Variants in CABCOCO1 observed in about 807,000 individuals in gnomAD.
The protein encoded by CABCOCO1 is ciliary-associated calcium-binding coiled-coil protein 1.
Under a neutral mutation model 35.7 loss-of-function variants are expected in CABCOCO1, and 28 were observed. The observed-to-expected ratio is 0.78, with a 90% CI of 0.58 to 1.07. The LOEUF (loss-of-function observed/expected upper bound fraction) is 1.07, where lower values mean the gene tolerates loss of function less well. Among genes scored for constraint, CABCOCO1 ranks in the 50% least tolerant of loss-of-function variants. CABCOCO1 has a pLI of 0.00. For missense variants in CABCOCO1, 326 were observed against 309.2 expected (o/e 1.05, Z -0.41); for synonymous variants, 95 against 100.1 (o/e 0.95, Z 0.30).
At chr10:61,717,649 C>A (rs2132037014) in intron 5 of CABCOCO1, among the ~76,000 whole-genome samples, 1 of 152,126 alleles carries the variant, frequency 6.6e-6, no homozygotes, top group South Asian at 2.1e-4. Context: ...ATTATGCGAT[C>A]TATTTGAAAA....
chr10:61,672,618 T>C lies in CABCOCO1; in HGVS notation c.61-14T>C, dbSNP rs1839394954. On this transcript the variant is annotated splice_polypyrimidine_tract_variant and intron_variant, in intron 1 of 7. Coordinates refer to ENST00000648843, the MANE Select transcript of CABCOCO1 (RefSeq NM_001366906.2). ...TACAATTAAAGTAACTCACTCCACA[T>C]TGTGTTTTGGTAGAGAGACACTGAA... is the stretch of plus-strand genomic sequence containing the variant. 1 of 724,728 alleles carries C rather than the reference T, an allele frequency of 1.4e-6. No individual in the cohort carries two copies. Among genetic ancestry groups the C allele is most frequent in the Non-Finnish European group, 1.7e-6 (1 of 592,372 alleles). The allele number at this position is 724,728 out of a possible 1,614,324, so 44.9% of individuals were successfully genotyped here. A position where few individuals can be genotyped will look rare whatever the true frequency, so the allele number is the denominator to read the frequency against.
chr10:61,698,948 C>T (rs576566326), intron 5 of CABCOCO1, among the ~76,000 whole-genome samples: 1 of 152,060 alleles, frequency 6.6e-6, no homozygotes, highest in South Asian at 2.1e-4. Context: ...CTTTTTTTCT[C>T]TTCAGTTTAC....
intron 2 of CABCOCO1, among the ~76,000 whole-genome samples, chr10:61,680,655 TGTTATACATGTATAAC>T (rs1839731370): frequency 1.3e-5 from 1 of 78,878 alleles, no homozygotes; most frequent in Admixed American, 1.9e-4. Context: ...ATATATATTA[TGTTATACATGTATAAC>T]ATATATGTTA....
intron 3 of CABCOCO1, among the ~76,000 whole-genome samples, chr10:61,684,740 C>T (rs1486977612): frequency 6.6e-6 from 1 of 152,156 alleles, no homozygotes; most frequent in East Asian, 1.9e-4. Flanking sequence ...TGTCCACACA[C>T]CCATCGCTTT....
chr10:61,672,734 G>C lies in CABCOCO1; in HGVS notation c.163G>C (p.Glu55Gln), dbSNP rs1839397651. The C allele has an allele frequency of 1.0e-6, 1 of 985,250 alleles. No individual in the cohort carries two copies. Among genetic ancestry groups the C allele is most frequent in the Non-Finnish European group, 1.2e-6 (1 of 829,890 alleles). The allele number at this position is 985,250 out of a possible 1,614,324, so 61.0% of individuals were successfully genotyped here. Reference sequence around the variant, plus strand: ...AATGGAGGACATCGATGGAGTTCAAGAGTAAGCACTTCACTATTACAATCA... The same window carrying C: ...AATGGAGGACATCGATGGAGTTCAACAGTAAGCACTTCACTATTACAATCA... ...LLMEDIDGVQ[E>Q]KLRIFLNFKN... Residue 55 changes from glutamate (E) to glutamine (Q), a missense_variant and splice_region_variant, in exon 2 of 8, where the codon GAA becomes CAA. Glu to Gln is a conservative substitution (Grantham distance 29). Coordinates refer to ENST00000648843, the MANE Select transcript of CABCOCO1 (RefSeq NM_001366906.2).
chr10:61,735,131 T>C (rs550500948), intron 5 of CABCOCO1, among the ~76,000 whole-genome samples: 31 of 152,060 alleles, frequency 2.0e-4, no homozygotes, highest in Non-Finnish European at 4.3e-4. Context: ...GAGAATAAAA[T>C]TGGGAGCCAG....
intron 4 of CABCOCO1, among the ~76,000 whole-genome samples, chr10:61,688,930 T>C (rs1027314821): frequency 2.0e-5 from 3 of 152,222 alleles, no homozygotes; most frequent in African/African-American, 7.2e-5. Flanking sequence ...GCCCTAGTCC[T>C]GGCCTTGCCC....
chr10:61,735,613 GA>G (rs551778157), intron 5 of CABCOCO1, among the ~76,000 whole-genome samples: 193 of 152,226 alleles, frequency 1.3e-3, no homozygotes, highest in Non-Finnish European at 2.3e-3. Flanking sequence ...GTTTATTTTA[GA>G]AATGTTTTTG....
intron 2 of CABCOCO1, among the ~76,000 whole-genome samples, chr10:61,680,398 T>A (rs28572394): frequency 0.12 from 15,991 of 133,052 alleles, 1,261 homozygotes; most frequent in East Asian, 0.23. Context: ...ATATATATTT[T>A]TATATATAAC....
chr10:61,730,438 G>T (rs991491366), intron 5 of CABCOCO1, among the ~76,000 whole-genome samples: 29 of 152,006 alleles, frequency 1.9e-4, no homozygotes, highest in African/African-American at 7.0e-4. Context: ...GAAAAAAATA[G>T]ACATATGAAG....
intron 1 of CABCOCO1, among the ~76,000 whole-genome samples, chr10:61,670,838 C>T (rs947113018): frequency 6.6e-6 from 1 of 152,206 alleles, no homozygotes; most frequent in African/African-American, 2.4e-5. Context: ...GCAGTCTCAC[C>T]CATTGTCACA....
In CABCOCO1 at chr10:61,766,073, T is replaced by A; in HGVS notation, c.*60T>A. The A allele has an allele frequency of 6.9e-7, 1 of 1,451,924 alleles. No homozygotes were observed. The highest frequency in any genetic ancestry group is 2.3e-5 in the East Asian group (1 of 43,850). 89.9% of individuals were successfully genotyped at this position (1,451,924 alleles called of 1,614,324 possible). On this transcript the variant is annotated 3_prime_UTR_variant, in exon 8 of 8. Coordinates refer to ENST00000648843, the MANE Select transcript of CABCOCO1 (RefSeq NM_001366906.2). ...CAGAAACAAACAAAACCAGCCAGAA[T>A]AACAGACTCTCTGGAGCGTCGTGTC...
At chr10:61,710,674 A>T (rs2132028805) in intron 5 of CABCOCO1, among the ~76,000 whole-genome samples, 1 of 151,938 alleles carries the variant, frequency 6.6e-6, no homozygotes. Context: ...AAGGCATTGG[A>T]GGTTTTCCAA....
chr10:61,670,986 G>A (rs1839339480), intron 1 of CABCOCO1, among the ~76,000 whole-genome samples: 1 of 152,130 alleles, frequency 6.6e-6, no homozygotes, highest in Admixed American at 6.5e-5. Flanking sequence ...TCAACATCTT[G>A]CTCTTTAAAA....
intron 1 of CABCOCO1, among the ~76,000 whole-genome samples, chr10:61,666,111 G>A (rs1006444995): frequency 7.2e-5 from 11 of 152,246 alleles, no homozygotes; most frequent in African/African-American, 1.7e-4. Context: ...ATTTTGAGGG[G>A]TAAGATGATG....
chr10:61,663,955 C>T (rs535988983), intron 1 of CABCOCO1, among the ~76,000 whole-genome samples: 2 of 152,146 alleles, frequency 1.3e-5, no homozygotes, highest in East Asian at 3.9e-4. Context: ...TGCTTGACTT[C>T]CTTATTCGTT....
At chr10:61,748,537 T>C (rs558878228) in intron 5 of CABCOCO1, among the ~76,000 whole-genome samples, 2 of 152,224 alleles carry the variant, frequency 1.3e-5, no homozygotes, top group Non-Finnish European at 2.9e-5. Context: ...ACCACTGTTA[T>C]GGCCGTTTTC....
intron 5 of CABCOCO1, among the ~76,000 whole-genome samples, chr10:61,739,770 G>T (rs1362289268): frequency 6.6e-6 from 1 of 152,084 alleles, no homozygotes; most frequent in African/African-American, 2.4e-5. Flanking sequence ...GTGAAACCCT[G>T]TCTCTACTAA....
intron 5 of CABCOCO1, among the ~76,000 whole-genome samples, chr10:61,746,482 C>T (rs948963143): frequency 6.6e-6 from 1 of 152,110 alleles, no homozygotes; most frequent in Non-Finnish European, 1.5e-5. Flanking sequence ...TCTATCATGG[C>T]TGGTGCTTGG....
Sources: allele counts gnomAD v4.1 joint callset (sites outside exome capture counted in the v4.1 genomes callset), GRCh38; gene constraint gnomAD v4.1.1; transcripts MANE v1.5; gene names NCBI Gene and HGNC (gene_info 2026-07-23, HGNC 2026-07-21).